SGCD: variants seen among roughly 807,000 people sequenced by gnomAD.
SGCD encodes sarcoglycan delta.
In SGCD, 18 loss-of-function variants were observed where a neutral mutation model predicts 36.6. That is an observed-to-expected ratio of 0.49 (90% CI 0.34 to 0.73). The LOEUF is 0.73. SGCD is among the 30% of genes least tolerant of loss of function. The probability of loss-of-function intolerance (pLI) is 0.01; values close to 1 mark genes in which losing one functional copy is unlikely to be tolerated. For missense variants in SGCD, 387 were observed against 346.7 expected (o/e 1.12, Z -0.92); for synonymous variants, 133 against 130.6 (o/e 1.02, Z -0.12).
intron 4 of SGCD, among the ~76,000 whole-genome samples, chr5:156,587,520 A>G (rs1297428423): frequency 6.6e-6 from 1 of 152,172 alleles, no homozygotes; most frequent in East Asian, 1.9e-4. Context: ...AAGTGATATC[A>G]TATTCCCTCC....
chr5:155,767,698 G>C, the SGCD span, among the ~76,000 whole-genome samples: 2 of 152,122 alleles, frequency 1.3e-5, no homozygotes, highest in South Asian at 4.1e-4. Flanking sequence ...AGAGTATTAA[G>C]GCTGTCCTGG....
At chr5:156,242,599 G>A (rs1007319959) in intron 3 of SGCD, among the ~76,000 whole-genome samples, 10 of 152,200 alleles carry the variant, frequency 6.6e-5, no homozygotes, top group African/African-American at 2.4e-4. Flanking sequence ...ATTAAGTAAA[G>A]GGTATGTGGG....
chr5:156,095,403 A>T (rs1212697531), intron 1 of SGCD, among the ~76,000 whole-genome samples: 1 of 152,206 alleles, frequency 6.6e-6, no homozygotes. Context: ...GCAGACAAAA[A>T]GGGCAAAGAG....
At position 156,229,277 on chromosome 5, in the gene SGCD, C is replaced by CATACATATATATATATATATATATATAT. The variant is rs1764942419; in HGVS notation, c.-43-100254_-43-100253insCATATATATATATATATATATATATATA. ...ACATACATACATATATATATACATA[C>CATACATATATATATATATATATATATAT]ATATATATATATATATATATATAAA... On this transcript the variant is annotated intron_variant, in intron 3 of 9. Coordinates refer to the SGCD transcript ENST00000517913. 1.8e-3 allele frequency among the ~76,000 whole-genome samples: 100 copies of CATACATATATATATATATATATATATAT among 56,442 alleles called. 2 individuals are homozygous for CATACATATATATATATATATATATATAT. The highest frequency in any genetic ancestry group is 7.0e-3 in the African/African-American group (87 of 12,454). 37.0% of individuals were successfully genotyped at this position (56,442 alleles called of 152,430 possible).
intron 3 of SGCD, among the ~76,000 whole-genome samples, chr5:156,234,668 C>T (rs1561577397): frequency 6.6e-6 from 1 of 152,196 alleles, no homozygotes; most frequent in South Asian, 2.1e-4. Flanking sequence ...GTGACCCATA[C>T]ATGGAAATAT....
At chr5:156,546,521 T>C (rs981632851) in intron 4 of SGCD, among the ~76,000 whole-genome samples, 10 of 152,188 alleles carry the variant, frequency 6.6e-5, no homozygotes, top group African/African-American at 2.4e-4. Context: ...TTAACCTCCA[T>C]TGTGTACCCA....
intron 7 of SGCD, among the ~76,000 whole-genome samples, chr5:156,689,001 G>A (rs766224737): frequency 6.6e-6 from 1 of 152,122 alleles, no homozygotes; most frequent in African/African-American, 2.4e-5. Flanking sequence ...ATTTACACCT[G>A]AAAACAAGTT....
At chr5:156,616,703 A>G (rs1303732712) in intron 6 of SGCD, among the ~76,000 whole-genome samples, 1 of 152,226 alleles carries the variant, frequency 6.6e-6, no homozygotes, top group African/African-American at 2.4e-5. Context: ...TGTGGCTCAA[A>G]CATCGCCTTA....
chr5:156,644,049 A>C (rs948916401), intron 6 of SGCD, among the ~76,000 whole-genome samples: 4 of 152,180 alleles, frequency 2.6e-5, no homozygotes, highest in Non-Finnish European at 5.9e-5. Context: ...TACCAAAGCA[A>C]ACTCTGTTAA....
intron 1 of SGCD, among the ~76,000 whole-genome samples, chr5:156,007,249 G>A (rs997857001): frequency 6.6e-6 from 1 of 152,140 alleles, no homozygotes; most frequent in Non-Finnish European, 1.5e-5. Flanking sequence ...CACACTGGGT[G>A]ATAAATGTAT....
chr5:156,583,397 C>T (rs547053712), intron 4 of SGCD, among the ~76,000 whole-genome samples: 2 of 152,270 alleles, frequency 1.3e-5, no homozygotes, highest in South Asian at 2.1e-4. Context: ...TTTCTCATTC[C>T]CAAGCCCCAT....
chr5:156,491,979 C>G (rs1359020698), intron 3 of SGCD, among the ~76,000 whole-genome samples: 1 of 151,940 alleles, frequency 6.6e-6, no homozygotes, highest in African/African-American at 2.4e-5. Context: ...TTGGGTTTCC[C>G]TGTCATCAGA....
chr5:155,950,214 A>C (rs1484676413), intron 1 of SGCD, among the ~76,000 whole-genome samples: 1 of 152,142 alleles, frequency 6.6e-6, no homozygotes, highest in Non-Finnish European at 1.5e-5. Context: ...TCTTTGAATT[A>C]ATCCAGTTCT....
chr5:156,595,233 C>T lies in SGCD; in HGVS notation c.502+182C>T, dbSNP rs190699787. Among the ~76,000 whole-genome samples the T allele has an allele frequency of 2.6e-5, 4 of 152,108 alleles. No homozygotes were observed. The East Asian group carries it at 7.8e-4, about 30-fold the overall frequency. On this transcript the variant is annotated intron_variant, in intron 6 of 8. Coordinates refer to ENST00000337851, the MANE Select transcript of SGCD (RefSeq NM_000337.6). Reference sequence around the variant, plus strand: ...GTAATTAAGTCATGAGGGTTGAGCCCTCATGAATGGGATTAGTGTCCTTCC... The same window carrying T: ...GTAATTAAGTCATGAGGGTTGAGCCTTCATGAATGGGATTAGTGTCCTTCC...
intron 1 of SGCD, among the ~76,000 whole-genome samples, chr5:155,893,658 T>C (rs1756184828): frequency 6.6e-6 from 1 of 152,224 alleles, no homozygotes; most frequent in Non-Finnish European, 1.5e-5. Flanking sequence ...TTTAGTTTTC[T>C]TTATTAATAA....
At chr5:155,758,573 T>C in the SGCD span, among the ~76,000 whole-genome samples, 2 of 152,168 alleles carry the variant, frequency 1.3e-5, no homozygotes, top group Non-Finnish European at 2.9e-5. Flanking sequence ...CCAGCAAACA[T>C]TACCACCTGA....
chr5:156,692,257 A>G (rs1754139932), intron 7 of SGCD, among the ~76,000 whole-genome samples: 2 of 152,176 alleles, frequency 1.3e-5, no homozygotes, highest in African/African-American at 2.4e-5. Flanking sequence ...CTTCTCATCT[A>G]ACAATTCCTA....
chr5:155,738,880 AGAGT>A, the SGCD span, among the ~76,000 whole-genome samples: 61 of 145,646 alleles, frequency 4.2e-4, no homozygotes, highest in African/African-American at 9.9e-4. Flanking sequence ...CGTGTGAGAG[AGAGT>A]GTGTGTGAGT....
chr5:156,002,488 A>G (rs1758684068), intron 1 of SGCD, among the ~76,000 whole-genome samples: 1 of 152,242 alleles, frequency 6.6e-6, no homozygotes, highest in Non-Finnish European at 1.5e-5. Flanking sequence ...GGGATGTGCT[A>G]TGGGCATGCC....
Sources: gnomAD v4.1 joint callset for allele counts (sites outside exome capture counted in the v4.1 genomes callset) on GRCh38, gnomAD v4.1.1 for gene constraint, MANE v1.5 for transcripts, NCBI Gene and HGNC (gene_info 2026-07-23, HGNC 2026-07-21) for gene names.